SLC16A8: variants seen among roughly 807,000 people sequenced by gnomAD.
SLC16A8 encodes solute carrier family 16 member 8.
In SLC16A8, 20 loss-of-function variants were observed where a neutral mutation model predicts 22.4. The observed-to-expected ratio is 0.89, with a 90% CI of 0.63 to 1.30. The LOEUF is 1.30. Among genes scored for constraint, SLC16A8 ranks in the 50% most tolerant of loss-of-function variants. The probability of loss-of-function intolerance (pLI) is 0.00; values close to 1 mark genes in which losing one functional copy is unlikely to be tolerated. For missense variants in SLC16A8, 817 were observed against 740.3 expected (o/e 1.10, Z -1.20); for synonymous variants, 393 against 358.8 (o/e 1.10, Z -1.08).
At position 38,081,300 on chromosome 22, in the gene SLC16A8, T is replaced by G; in HGVS notation, c.738A>C (p.Ala246=). 1.9e-6 allele frequency: 3 copies of G among 1,547,522 alleles called. No individual in the cohort carries two copies. Among genetic ancestry groups the G allele is most frequent in the Non-Finnish European group, 2.6e-6 (3 of 1,146,150 alleles). Residue 246 remains alanine, a synonymous_variant, in exon 5 of 6, where the codon GCA becomes GCC. Transcript: ENST00000681075. ...CGGCGAAGGCGCGGTCGGTGCACAC[T>G]GCCAAGTCCAGCAGGCGCCGGCGGG... ...VRPRRRLLDL[A]VCTDRAFAVY...
Position 38,082,826 on chromosome 22 carries a change from G to C in SLC16A8, c.48C>G (p.Gly16=). ...PRRGEGPPDG[G]WGWVVLGACF... Reference sequence around the variant, plus strand: ...AGGCGCCCAGCACCACCCAGCCCCAGCCGCCGTCTGGGGGGCCCTCGCCCC... The same window carrying C: ...AGGCGCCCAGCACCACCCAGCCCCACCCGCCGTCTGGGGGGCCCTCGCCCC... The change falls in exon 3 of 6, where the codon GGC becomes GGG. Residue 16 remains glycine (G), a synonymous_variant. Coordinates refer to ENST00000681075, the MANE Select transcript of SLC16A8 (RefSeq NM_013356.3). The C allele has an allele frequency of 6.3e-7, 1 of 1,579,182 alleles. No homozygotes were observed. The highest frequency in any genetic ancestry group is 8.6e-7 in the Non-Finnish European group (1 of 1,167,210).
rs771717856 is a variant in SLC16A8, at chr22:38,080,994, G to T, written c.1044C>A (p.Ala348=). ...ARARSYGALV[A]FCVAFGLSYG... ...AGGAGAGGCCGAAGGCGACGCAGAA[G>T]GCGACGAGGGCGCCGTAGGAGCGCG... is the stretch of plus-strand genomic sequence containing the variant. The change falls in exon 5 of 6, where the codon GCC becomes GCA. Residue 348 remains alanine, a synonymous_variant. Transcript: ENST00000681075. The T allele has an allele frequency of 6.9e-6, 11 of 1,598,588 alleles. No individual in the cohort carries two copies. Among genetic ancestry groups the T allele is most frequent in the Non-Finnish European group, 9.3e-6 (11 of 1,177,938 alleles).
At chr22:38,081,841 G>T (rs2085922980) in intron 4 of SLC16A8, 48 bp downstream of exon 4, 1 of 1,551,292 alleles carries the variant, frequency 6.4e-7, no homozygotes, top group African/African-American at 1.4e-5. Flanking sequence ...CTTGCAGCAA[G>T]AACCCCCGAC....
rs1450944804 is a variant in SLC16A8 at position 38,080,835 on chromosome 22, C to T, written c.1198+5G>A. ...CTCGCCACCCCCTCTTCCTTCGGGGCGCACCGGCAGAGGGCGGTCCGATGA... is the reference window on the plus strand; with the variant it reads ...CTCGCCACCCCCTCTTCCTTCGGGGTGCACCGGCAGAGGGCGGTCCGATGA... On this transcript the variant is annotated splice_donor_5th_base_variant and intron_variant, in intron 5 of 5. Transcript: ENST00000681075. 4.7e-6 allele frequency: 7 copies of T among 1,484,874 alleles called. No homozygotes were observed. The highest frequency in any genetic ancestry group is 1.4e-5 in the African/African-American group (1 of 71,076). 92.0% of individuals were successfully genotyped at this position (1,484,874 alleles called of 1,614,324 possible). A position where few individuals can be genotyped will look rare whatever the true frequency, so the allele number is the denominator to read the frequency against.
chr22:38,082,854 C>CG lies in SLC16A8; in HGVS notation c.19dup (p.Arg7ProfsTer217). The CG allele has an allele frequency of 6.4e-7, 1 of 1,551,402 alleles. No homozygotes were observed. Among genetic ancestry groups the CG allele is most frequent in the Non-Finnish European group, 8.7e-7 (1 of 1,153,188 alleles). ...GCCGTCTGGGGGGCCCTCGCCCCGCCGGGGGCCGCCAGCGCCCATCGCTGC... is the reference window on the plus strand; with the variant it reads ...GCCGTCTGGGGGGCCCTCGCCCCGCCGGGGGGCCGCCAGCGCCCATCGCTGC... On this transcript the variant is annotated frameshift_variant, in exon 3 of 6. Transcript: ENST00000681075. LOFTEE classifies it high-confidence loss of function.
At position 38,081,579 on chromosome 22, in the gene SLC16A8, G is replaced by C. The variant is rs1167772284; in HGVS notation, c.459C>G (p.Ser153Arg). ...GCGACAGCGCGGACAGGAACACGGG[G>C]CTGCCCGCCGCCGCCAGCCCGTTGG... is the stretch of plus-strand genomic sequence containing the variant. ...PLANGLAAAG[S>R]PVFLSALSPL... The change falls in exon 5 of 6, where the codon AGC (serine) becomes AGG (arginine). Residue 153 changes from serine (S) to arginine (R), a missense_variant. Ser to Arg is a moderately radical substitution (Grantham distance 110). Transcript: ENST00000681075. The C allele has an allele frequency of 5.3e-6, 8 of 1,512,524 alleles. No homozygotes were observed. The highest frequency in any genetic ancestry group is 1.4e-5 in the African/African-American group (1 of 69,800). The allele number at this position is 1,512,524 out of a possible 1,614,324, so 93.7% of individuals were successfully genotyped here.
Position 38,081,290 on chromosome 22 carries a change from C to G in SLC16A8, c.748G>C (p.Asp250His), listed in dbSNP as rs768971693. ...RRLLDLAVCT[D>H]RAFAVYAVTK... ...ACGGCGTACACGGCGAAGGCGCGGT[C>G]GGTGCACACTGCCAAGTCCAGCAGG... Residue 250 changes from aspartate (D) to histidine (H), a missense_variant, in exon 5 of 6, where the codon GAC becomes CAC. Asp to His is a moderately conservative substitution (Grantham distance 81). Transcript: ENST00000681075. 10 of 1,569,594 alleles carry G rather than the reference C, an allele frequency of 6.4e-6. No homozygotes were observed. The highest frequency in any genetic ancestry group is 8.6e-6 in the Non-Finnish European group (10 of 1,157,228).
chr22:38,082,590 G>A, intron 3 of SLC16A8, 70 bp downstream of exon 3: 1 of 1,330,912 alleles, frequency 7.5e-7, no homozygotes, highest in Non-Finnish European at 1.0e-6. Flanking sequence ...GATGCTCAGG[G>A]GCTCGGGTGT....
chr22:38,082,577 GGGGATGCTCAGGGGCTCGGGTGT>G, intron 3 of SLC16A8, 60 bp downstream of exon 3: 2 of 1,212,886 alleles, frequency 1.6e-6, no homozygotes, highest in Non-Finnish European at 2.3e-6. Context: ...CGAGGGTCAG[GGGGATGCTCAGGGGCTCGGGTGT>G]CTCCTGGTTC....
chr22:38,078,257 G>T lies in SLC16A8; in HGVS notation c.*131C>A. On this transcript the variant is annotated 3_prime_UTR_variant, in exon 6 of 6. Transcript: ENST00000681075. ...AGGGAGGCAGTTCCCAGACACCCAG[G>T]GGATCAACTGGAGCCCAGACGTGGA... 1 of 848,518 alleles carries T rather than the reference G, an allele frequency of 1.2e-6. No homozygotes were observed. The highest frequency in any genetic ancestry group is 1.8e-6 in the Non-Finnish European group (1 of 542,716). 52.6% of individuals were successfully genotyped at this position (848,518 alleles called of 1,614,324 possible). A position where few individuals can be genotyped will look rare whatever the true frequency, so the allele number is the denominator to read the frequency against.
chr22:38,083,229 CGTACGCGTGA>C lies in SLC16A8; in HGVS notation c.-206_-197del, dbSNP rs1379263121. 4 of 298,286 alleles carry C rather than the reference CGTACGCGTGA, an allele frequency of 1.3e-5. No homozygotes were observed. Among genetic ancestry groups the C allele is most frequent in the Non-Finnish European group, 2.5e-5 (4 of 159,400 alleles). 18.5% of individuals were successfully genotyped at this position (298,286 alleles called of 1,614,324 possible). On this transcript the variant is annotated 5_prime_UTR_variant, in exon 2 of 6. Transcript: ENST00000681075. ...TGGGCGTCCAGCACCAAAGTCGCCC[CGTACGCGTGA>C]GGGTCTCGGGACAACAGAACAAACA...
rs377373294 is a variant in SLC16A8 at position 38,078,454 on chromosome 22, G to A, written c.1449C>T (p.Ser483=). 2.3e-5 allele frequency: 37 copies of A among 1,610,756 alleles called. No homozygotes were observed. The highest frequency in any genetic ancestry group is 5.5e-5 in the South Asian group (5 of 91,080). Reference sequence around the variant, plus strand: ...CTGGTTCTGTGGGCTCGCCCCGGGCGCTGAGCACCTCCAGGGCCTCCAGGT... The same window carrying A: ...CTGGTTCTGTGGGCTCGCCCCGGGCACTGAGCACCTCCAGGGCCTCCAGGT... ...PGNLEALEVL[S]ARGEPTEPEI... Residue 483 remains serine (S), a synonymous_variant, in exon 6 of 6, where the codon AGC becomes AGT. Coordinates refer to ENST00000681075, the MANE Select transcript of SLC16A8 (RefSeq NM_013356.3).
At chr22:38,082,090 A>G in intron 3 of SLC16A8, 58 bp from the exon 4 acceptor site, 1 of 1,509,296 alleles carries the variant, frequency 6.6e-7, no homozygotes, top group South Asian at 1.3e-5. Context: ...CCTCTAAGGA[A>G]TAAGGTCACC....
intron 5 of SLC16A8, among the ~76,000 whole-genome samples, chr22:38,080,132 AC>A (rs2085894776): frequency 6.6e-6 from 1 of 151,846 alleles, no homozygotes; most frequent in African/African-American, 2.4e-5. Context: ...ACCCAGGAAA[AC>A]CCTCATGTCC....
Position 38,081,108 on chromosome 22 carries a change from C to G in SLC16A8, c.930G>C (p.Ala310=), listed in dbSNP as rs143696184. 1.3e-6 allele frequency: 2 copies of G among 1,548,386 alleles called. No individual in the cohort carries two copies. The highest frequency in any genetic ancestry group is 1.4e-5 in the African/African-American group (1 of 73,286). Reference sequence around the variant, plus strand: ...CGTGCGGCCGCAGACGCGCCAGGCCCGCCAGGGCGCCGCACGCCGGGCGCG... The same window carrying G: ...CGTGCGGCCGCAGACGCGCCAGGCCGGCCAGGGCGCCGCACGCCGGGCGCG... ...IVARPACGAL[A]GLARLRPHVP... The change falls in exon 5 of 6, where the codon GCG becomes GCC. Residue 310 remains alanine (A), a synonymous_variant. Coordinates refer to ENST00000681075, the MANE Select transcript of SLC16A8 (RefSeq NM_013356.3).
rs2085915667 is a variant in SLC16A8 at position 38,081,384 on chromosome 22, G to C, written c.654C>G (p.Gly218=). 1 of 1,392,202 alleles carries C rather than the reference G, an allele frequency of 7.2e-7. No individual in the cohort carries two copies. The highest frequency in any genetic ancestry group is 9.3e-7 in the Non-Finnish European group (1 of 1,077,282). The allele number at this position is 1,392,202 out of a possible 1,614,324, so 86.2% of individuals were successfully genotyped here. Residue 218 remains glycine (G), a synonymous_variant, in exon 5 of 6, where the codon GGC becomes GGG. Coordinates refer to ENST00000681075, the MANE Select transcript of SLC16A8 (RefSeq NM_013356.3). ...GCCCCGCACCGTCAGCCTCCGCCTC[G>C]CCCGGAGCGTCCCCGGCGCGGTCGC... ...SAGDRAGDAP[G]EAEADGAGLQ... is the part of the protein sequence containing the mutation.
intron 1 of SLC16A8, 75 bp downstream of exon 1, chr22:38,083,913 C>T (rs893248016): frequency 6.6e-6 from 1 of 152,304 alleles, no homozygotes; most frequent in Admixed American, 6.5e-5. Flanking sequence ...TGCCTGTTGT[C>T]CTCTTGTCAC....
Position 38,081,314 on chromosome 22 carries a change from G to A in SLC16A8, c.724C>T (p.Leu242=), listed in dbSNP as rs2085914105. Reference sequence around the variant, plus strand: ...TCGGTGCACACTGCCAAGTCCAGCAGGCGCCGGCGGGGCCGGACCCTGGGG... The same window carrying A: ...TCGGTGCACACTGCCAAGTCCAGCAAGCGCCGGCGGGGCCGGACCCTGGGG... ...ASPRVRPRRR[L]LDLAVCTDRA... The change falls in exon 5 of 6, where the codon CTG becomes TTG. Residue 242 remains leucine (L), a synonymous_variant. Coordinates refer to ENST00000681075, the MANE Select transcript of SLC16A8 (RefSeq NM_013356.3). The A allele has an allele frequency of 6.6e-7, 1 of 1,515,064 alleles. No individual in the cohort carries two copies. The highest frequency in any genetic ancestry group is 8.8e-7 in the Non-Finnish European group (1 of 1,131,154). The allele number at this position is 1,515,064 out of a possible 1,614,324, so 93.9% of individuals were successfully genotyped here. A position where few individuals can be genotyped will look rare whatever the true frequency, so the allele number is the denominator to read the frequency against.
rs780636819 is a variant in SLC16A8 at position 38,082,768 on chromosome 22, G to C, written c.106C>G (p.Pro36Ala). Residue 36 changes from proline (P) to alanine (A), a missense_variant, in exon 3 of 6, where the codon CCC becomes GCC. Transcript: ENST00000681075. Reference protein sequence around the residue: ...FVVTGFAYGFPKAVSVFFRAL... With the variant: ...FVVTGFAYGFAKAVSVFFRAL... The stretch of plus-strand genomic sequence containing the variant: ...CGGAAGAAGACGCTCACGGCTTTGG[G>C]GAAGCCGTAGGCGAAGCCGGTGACC... The C allele has an allele frequency of 1.9e-5, 30 of 1,595,648 alleles. No homozygotes were observed. In the East Asian group the frequency reaches 5.9e-4, roughly 31 times the overall value.
Sources: allele counts gnomAD v4.1 joint callset (sites outside exome capture counted in the v4.1 genomes callset), GRCh38; gene constraint gnomAD v4.1.1; transcripts MANE v1.5; gene names NCBI Gene and HGNC (gene_info 2026-07-23, HGNC 2026-07-21).